The following LARS2 variants were observed in gnomAD, a reference collection of about 807,000 sequenced individuals.
LARS2 encodes leucyl-tRNA synthetase 2, mitochondrial.
In LARS2, 81 loss-of-function variants were observed where a neutral mutation model predicts 116.6. That is an observed-to-expected ratio of 0.69 (90% CI 0.58 to 0.84). The LOEUF (loss-of-function observed/expected upper bound fraction) is 0.84, where lower values mean the gene tolerates loss of function less well. Among genes scored for constraint, LARS2 ranks in the 40% least tolerant of loss-of-function variants. The pLI is 0.00. For missense variants in LARS2, 968 were observed against 1,114.5 expected, an observed-to-expected ratio of 0.87 and a Z score of 1.87; for synonymous variants, 396 against 407.2, an observed-to-expected ratio of 0.97 and a Z score of 0.33.
At chr3:45,455,338 G>A (rs757951721) in intron 7 of LARS2, among the ~76,000 whole-genome samples, 1 of 151,988 alleles carries the variant, frequency 6.6e-6, no homozygotes, top group Non-Finnish European at 1.5e-5. Flanking sequence ...GGTTTGCCGG[G>A]GACAAGAGAC....
intron 20 of LARS2, among the ~76,000 whole-genome samples, chr3:45,531,552 A>ATT (rs199964878): frequency 6.9e-6 from 1 of 145,458 alleles, no homozygotes; most frequent in Non-Finnish European, 1.5e-5. Flanking sequence ...TAATTTTTGT[A>ATT]TTTTTTCTTT....
At chr3:45,430,003 C>CTTTTTTTTTTTT (rs66989698) in intron 6 of LARS2, among the ~76,000 whole-genome samples, 1 of 56,952 alleles carries the variant, frequency 1.8e-5, no homozygotes, top group Non-Finnish European at 2.9e-5. Flanking sequence ...TGCCCAGCCT[C>CTTTTTTTTTTTT]TTTTTTTTTT....
At chr3:45,471,812 A>G (rs1460608568) in intron 8 of LARS2, among the ~76,000 whole-genome samples, 1 of 152,176 alleles carries the variant, frequency 6.6e-6, no homozygotes, top group Non-Finnish European at 1.5e-5. Context: ...AAGACCCCCT[A>G]CATTGCTCTA....
intron 20 of LARS2, among the ~76,000 whole-genome samples, chr3:45,533,141 C>CTTTTTTTTTTTTTTTTTTT: frequency 2.0e-5 from 1 of 51,000 alleles, no homozygotes; most frequent in Non-Finnish European, 3.5e-5. Context: ...CACATTAAGT[C>CTTTTTTTTTTTTTTTTTTT]TTTTTTTTTT....
chr3:45,528,395 T>C (rs1700563669), intron 20 of LARS2, among the ~76,000 whole-genome samples: 1 of 152,220 alleles, frequency 6.6e-6, no homozygotes, highest in African/African-American at 2.4e-5. Context: ...TTGTATTTTG[T>C]GTCCACTTGT....
rs1242277830 is a variant in LARS2, at chr3:45,493,806, T to G, written c.1523+2006T>G. Among the ~76,000 whole-genome samples the G allele has an allele frequency of 1.3e-5, 2 of 152,066 alleles. 1 individual carries two copies. Among genetic ancestry groups the G allele is most frequent in the Admixed American group, 1.3e-4 (2 of 15,272 alleles). On this transcript the variant is annotated intron_variant, in intron 13 of 21. Transcript: ENST00000645846. ...AGTTTTTAGTATCAGCAATAAAACA[T>G]GTTAGTTGCCTTCAAGTCCAACAAG...
intron 4 of LARS2, among the ~76,000 whole-genome samples, chr3:45,403,709 C>CAG (rs1698191658): frequency 1.3e-5 from 2 of 152,124 alleles, no homozygotes; most frequent in Non-Finnish European, 2.9e-5. Flanking sequence ...AGGCTCAAGG[C>CAG]AGAGCTCCAG....
At chr3:45,447,537 C>CTGTG (rs35354904) in intron 7 of LARS2, among the ~76,000 whole-genome samples, 2 of 151,552 alleles carry the variant, frequency 1.3e-5, no homozygotes, top group African/African-American at 2.4e-5. Context: ...GCCAAATTCT[C>CTGTG]TGTGTGTGTG....
chr3:45,525,762 G>C (rs1039252155), intron 20 of LARS2, among the ~76,000 whole-genome samples: 1 of 152,170 alleles, frequency 6.6e-6, no homozygotes, highest in Non-Finnish European at 1.5e-5. Context: ...AGGTGGCTTA[G>C]TTGGAAGAAG....
At position 45,417,365 on chromosome 3, in the gene LARS2, C is replaced by T. The variant is rs951338116; in HGVS notation, c.364-117C>T. 3 of 775,388 alleles carry T rather than the reference C, an allele frequency of 3.9e-6. No homozygotes were observed. The African/African-American group carries it at 5.2e-5, about 13-fold the overall frequency. 48.0% of individuals were successfully genotyped at this position (775,388 alleles called of 1,614,324 possible). On this transcript the variant is annotated intron_variant, in intron 4 of 21. Coordinates refer to ENST00000645846, the MANE Select transcript of LARS2 (RefSeq NM_015340.4). The stretch of plus-strand genomic sequence containing the variant: ...GGCTGTCAGATGCATAACCTGAAAA[C>T]ATCCAGCAAAAGATAAGGCATGTTA...
At chr3:45,458,912 A>G (rs1699263077) in intron 8 of LARS2, 26 bp downstream of exon 8, 1 of 1,612,418 alleles carries the variant, frequency 6.2e-7, no homozygotes, top group Non-Finnish European at 8.5e-7. Context: ...GAGGCTCCCC[A>G]CTAATGCCTT....
intron 13 of LARS2, among the ~76,000 whole-genome samples, chr3:45,493,261 G>A (rs1048907175): frequency 7.2e-5 from 11 of 152,084 alleles, no homozygotes; most frequent in South Asian, 4.1e-4. Flanking sequence ...CACCAAGCCC[G>A]GCTAATTTTT....
chr3:45,398,325 A>T (rs1698085511), intron 3 of LARS2, among the ~76,000 whole-genome samples: 1 of 152,152 alleles, frequency 6.6e-6, no homozygotes, highest in Non-Finnish European at 1.5e-5. Flanking sequence ...TGCTCTACTG[A>T]TTATATTTGG....
Position 45,394,663 on chromosome 3 carries a change from G to A in LARS2, c.210G>A (p.Gln70=). 6.2e-7 allele frequency: 1 copy of A among 1,613,548 alleles called. No homozygotes were observed. The change falls in exon 3 of 22, where the codon CAG becomes CAA. Residue 70 remains glutamine (Q), a synonymous_variant. Transcript: ENST00000645846. ...GGTGGCATCAACGAATAAAAGAACA[G>A]GCCTCCAAAATTTCAGAAGCTGATG... is the stretch of plus-strand genomic sequence containing the variant. ...EKWWHQRIKE[Q]ASKISEADKS...
chr3:45,433,033 T>C (rs1474979089), intron 6 of LARS2, among the ~76,000 whole-genome samples: 1 of 152,094 alleles, frequency 6.6e-6, no homozygotes, highest in African/African-American at 2.4e-5. Flanking sequence ...TATAATATGT[T>C]AATATAGCCA....
chr3:45,394,646 C>T lies in LARS2; in HGVS notation c.193C>T (p.Gln65Ter). The change falls in exon 3 of 22, where the codon CAA (glutamine) becomes TAA (stop). Residue 65 changes from glutamine (Q) to a stop codon, truncating the protein, a stop_gained. Coordinates refer to ENST00000645846, the MANE Select transcript of LARS2 (RefSeq NM_015340.4). LOFTEE classifies it high-confidence loss of function. ...AAAGGATGTTGAGAAATGGTGGCATCAACGAATAAAAGAACAGGCCTCCAA... is the reference window on the plus strand; with the variant it reads ...AAAGGATGTTGAGAAATGGTGGCATTAACGAATAAAAGAACAGGCCTCCAA... ...TRKDVEKWWH[Q>*]RIKEQASKIS... 1 of 1,614,006 alleles carries T rather than the reference C, an allele frequency of 6.2e-7. No individual in the cohort carries two copies. Among genetic ancestry groups the T allele is most frequent in the Non-Finnish European group, 8.5e-7 (1 of 1,179,948 alleles).
chr3:45,422,104 A>T (rs546497719), intron 6 of LARS2: 39 of 152,342 alleles, frequency 2.6e-4, no homozygotes, highest in African/African-American at 9.4e-4. Flanking sequence ...AAAAATCAAG[A>T]ACAAATTTTG....
At chr3:45,508,570 G>T (rs1700232542) in intron 15 of LARS2, among the ~76,000 whole-genome samples, 1 of 152,042 alleles carries the variant, frequency 6.6e-6, no homozygotes, top group Non-Finnish European at 1.5e-5. Context: ...CATTTTCAGA[G>T]ATCTATGGCC....
chr3:45,512,392 A>G (rs1700304163), intron 15 of LARS2, among the ~76,000 whole-genome samples: 1 of 152,236 alleles, frequency 6.6e-6, no homozygotes. Context: ...AATTTGCAAT[A>G]ATTTCAGTAT....
Sources: allele counts gnomAD v4.1 joint callset (sites outside exome capture counted in the v4.1 genomes callset), GRCh38; gene constraint gnomAD v4.1.1; transcripts MANE v1.5; gene names NCBI Gene and HGNC (gene_info 2026-07-23, HGNC 2026-07-21).